NCF2: variants seen among roughly 807,000 people sequenced by gnomAD.
NCF2 encodes neutrophil cytosol factor 2.
A neutral mutation model predicts 70.9 loss-of-function variants in NCF2; 45 were observed. The ratio of observed to expected loss-of-function variants is 0.63; its 90% CI spans 0.50 to 0.81. The LOEUF is 0.81. Ranked by LOEUF, NCF2 falls within the 40% of genes least tolerant of loss-of-function variation. The pLI is 0.00. For missense variants in NCF2, 522 were observed against 631.6 expected (o/e 0.83, Z 1.86); for synonymous variants, 203 against 233.6 (o/e 0.87, Z 1.19).
Position 183,587,329 on chromosome 1 carries a change from C to A in NCF2, c.175-352G>T, listed in dbSNP as rs1673403301. Among the ~76,000 whole-genome samples the A allele has an allele frequency of 2.6e-5, 4 of 152,136 alleles. No individual in the cohort carries two copies. In the South Asian group the frequency reaches 8.3e-4, roughly 31 times the overall value. On this transcript the variant is annotated intron_variant, in intron 1 of 14. Coordinates refer to ENST00000367535, the MANE Select transcript of NCF2 (RefSeq NM_000433.4). ...CCAATAATTCCCAGGTGCGGTTGCTCACACCTGTAATCCCAGCACTTTGGG... is the reference window on the plus strand; with the variant it reads ...CCAATAATTCCCAGGTGCGGTTGCTAACACCTGTAATCCCAGCACTTTGGG...
intron 3 of NCF2, among the ~76,000 whole-genome samples, 187 bp from the exon 4 acceptor site, chr1:183,574,808 G>A (rs1296988001): frequency 1.3e-5 from 2 of 152,144 alleles, no homozygotes; most frequent in East Asian, 3.8e-4. Context: ...CAAACATGGT[G>A]TTAAGAAAAC....
chr1:183,594,792 C>CT (rs75499535), upstream of NCF2, among the ~76,000 whole-genome samples: 104 of 151,828 alleles, frequency 6.8e-4, no homozygotes, highest in African/African-American at 2.3e-3. Context: ...CAAGACCCTC[C>CT]TTTTTTTTTC....
chr1:183,566,943 T>C lies in NCF2; in HGVS notation c.901A>G (p.Ile301Val), dbSNP rs1215987231. The C allele has an allele frequency of 6.2e-7, 1 of 1,614,082 alleles. No individual in the cohort carries two copies. The highest frequency in any genetic ancestry group is 8.5e-7 in the Non-Finnish European group (1 of 1,180,026). The change falls in exon 9 of 15, where the codon ATC becomes GTC. Residue 301 changes from isoleucine (I) to valine (V), a missense_variant. By Grantham distance (29) the Ile-to-Val change is conservative. Transcript: ENST00000367535. ...ACCTGGGGCTGCTGCTGAGGGTGGA[T>C]CCGCAGCTCAACTGGTTCAAGGTAG... ...CNYLEPVELR[I>V]HPQQQPQEES...
rs528788918 is a variant in NCF2 at position 183,556,242 on chromosome 1, A to AAAAGT, written c.1469-17_1469-13dup. Reference sequence around the variant, plus strand: ...CCATTCTTCATTCACTGATAAAAGGAAAAGTACACATGGATTTCTAAAACC... The same window carrying AAAAGT: ...CCATTCTTCATTCACTGATAAAAGGAAAAGTAAAGTACACATGGATTTCTAAAACC... On this transcript the variant is annotated splice_polypyrimidine_tract_variant and intron_variant, in intron 14 of 14. Transcript: ENST00000367535. The AAAAGT allele has an allele frequency of 1.2e-5, 19 of 1,607,414 alleles. No individual in the cohort carries two copies. In the South Asian group the frequency reaches 1.5e-4, roughly 13 times the overall value.
chr1:183,596,039 T>G, the NCF2 span, among the ~76,000 whole-genome samples: 6 of 152,090 alleles, frequency 3.9e-5, no homozygotes, highest in East Asian at 1.2e-3. Flanking sequence ...TCTCCTAATG[T>G]GTGTTCAAGC....
At position 183,565,800 on chromosome 1, in the gene NCF2, C is replaced by T. The variant is rs2296164; in HGVS notation, c.925-21G>A. On this transcript the variant is annotated intron_variant, in intron 9 of 14. Transcript: ENST00000367535. ...TCCTCCTGAAGGCAACAGGGAGCGA[C>T]GGTCAGAACCTTCATTCAAAGTTCC... 0.48 allele frequency: 776,898 copies of T among 1,612,180 alleles called. 189,860 individuals are homozygous for T. Among genetic ancestry groups the T allele is most frequent in the East Asian group, 0.62 (27,947 of 44,820 alleles).
the NCF2 span, among the ~76,000 whole-genome samples, chr1:183,600,613 T>G: frequency 6.7e-6 from 1 of 149,686 alleles, no homozygotes; most frequent in Admixed American, 6.7e-5. Context: ...TATTTCAGTC[T>G]TTTTTTTTTC....
chr1:183,563,925 C>G, intron 11 of NCF2, 80 bp downstream of exon 11: 1 of 1,467,020 alleles, frequency 6.8e-7, no homozygotes. Flanking sequence ...TTCCTATAAT[C>G]CAGACAGACA....
intron 6 of NCF2, 124 bp from the exon 7 acceptor site, chr1:183,569,309 G>A (rs942019571): frequency 5.5e-6 from 5 of 909,180 alleles, no homozygotes; most frequent in African/African-American, 1.6e-5. Flanking sequence ...ACGCATTTCT[G>A]ACTGATGAGA....
the NCF2 span, among the ~76,000 whole-genome samples, chr1:183,599,422 CCTTCT>C: frequency 6.9e-4 from 93 of 135,414 alleles, no homozygotes; most frequent in African/African-American, 2.2e-3. Flanking sequence ...TTCTTTCTTT[CCTTCT>C]TTCTTTCTTT....
intron 2 of NCF2, among the ~76,000 whole-genome samples, chr1:183,583,297 G>T (rs568092871): frequency 6.6e-6 from 1 of 152,102 alleles, no homozygotes; most frequent in Non-Finnish European, 1.5e-5. Context: ...CAGGTGATCC[G>T]CCTACCTTGG....
At position 183,567,234 on chromosome 1, in the gene NCF2, A is replaced by T; in HGVS notation, c.825T>A (p.Asp275Glu). The change falls in exon 8 of 15, where the codon GAT becomes GAA. Residue 275 changes from aspartate (D) to glutamate (E), a missense_variant. Physicochemically the swap from Asp to Glu is conservative, Grantham distance 45. Transcript: ENST00000367535. ...NIVFVLKKGN[D>E]NWATVMFNGQ... ...CGTTGAACATGACCGTGGCCCAGTT[A>T]TCATTGCCCTTCTTCAAGACAAAGA... 1 of 1,614,164 alleles carries T rather than the reference A, an allele frequency of 6.2e-7. No individual in the cohort carries two copies. Among genetic ancestry groups the T allele is most frequent in the Non-Finnish European group, 8.5e-7 (1 of 1,180,026 alleles).
chr1:183,575,257 G>T (rs563789229), intron 3 of NCF2, among the ~76,000 whole-genome samples: 5 of 152,350 alleles, frequency 3.3e-5, no homozygotes, highest in East Asian at 1.9e-4. Flanking sequence ...ATCACTTGAG[G>T]TCAGGAGTTT....
intron 7 of NCF2, among the ~76,000 whole-genome samples, 168 bp downstream of exon 7, chr1:183,568,974 C>T (rs1293216821): frequency 6.6e-6 from 1 of 152,184 alleles, no homozygotes; most frequent in Non-Finnish European, 1.5e-5. Context: ...AGAAGACATT[C>T]TTCTAGGCAT....
intron 14 of NCF2, among the ~76,000 whole-genome samples, 178 bp downstream of exon 14, chr1:183,559,918 A>G (rs543192427): frequency 6.6e-6 from 1 of 152,346 alleles, no homozygotes; most frequent in Admixed American, 6.5e-5. Context: ...CTACTAGAGC[A>G]ATAGACAGGG....
intron 4 of NCF2, 22 bp from the exon 5 acceptor site, chr1:183,573,314 A>T: frequency 6.2e-7 from 1 of 1,605,842 alleles, no homozygotes; most frequent in Non-Finnish European, 8.5e-7. Context: ...AAAACGTAGC[A>T]TTCCCTTATG....
chr1:183,583,312 C>T (rs1205190387), intron 2 of NCF2, among the ~76,000 whole-genome samples: 1 of 152,150 alleles, frequency 6.6e-6, no homozygotes, highest in Non-Finnish European at 1.5e-5. Context: ...CCTTGGCCTC[C>T]TAAAGTGCTG....
At chr1:183,559,601 G>C (rs1671947470) in intron 14 of NCF2, among the ~76,000 whole-genome samples, 1 of 152,178 alleles carries the variant, frequency 6.6e-6, no homozygotes, top group Admixed American at 6.5e-5. Flanking sequence ...GCTCATGCCT[G>C]TAATCTCAGT....
At chr1:183,573,080 G>T in intron 5 of NCF2, 105 bp downstream of exon 5, 2 of 1,021,502 alleles carry the variant, frequency 2.0e-6, no homozygotes, top group Non-Finnish European at 3.1e-6. Flanking sequence ...CCATCCCAGG[G>T]ACAGAGCCAC....
Sources: gnomAD v4.1 joint callset for allele counts (sites outside exome capture counted in the v4.1 genomes callset) on GRCh38, gnomAD v4.1.1 for gene constraint, MANE v1.5 for transcripts, NCBI Gene and HGNC (gene_info 2026-07-23, HGNC 2026-07-21) for gene names.